SKA2: variants seen among roughly 807,000 people sequenced by gnomAD.
The protein encoded by SKA2 is spindle and kinetochore associated complex subunit 2.
SKA2 carries 13 observed loss-of-function variants against 16.9 expected under a neutral mutation model. That is an observed-to-expected ratio of 0.77 (90% CI 0.50 to 1.22). The LOEUF is 1.22. Among genes scored for constraint, SKA2 ranks in the 50% most tolerant of loss-of-function variants. The pLI is 0.00. For synonymous variants in SKA2, 47 were observed against 48.5 expected, an observed-to-expected ratio of 0.97 and a Z score of 0.13; for missense variants, 107 against 139.7, an observed-to-expected ratio of 0.77 and a Z score of 1.18.
chr17:59,138,683 C>T (rs996091822), intron 1 of SKA2, among the ~76,000 whole-genome samples: 4 of 152,058 alleles, frequency 2.6e-5, no homozygotes, highest in African/African-American at 9.7e-5. Context: ...CTGCCCGCCT[C>T]GGCCTCCTGA....
At chr17:59,150,997 T>G (rs958725188) in intron 1 of SKA2, 4 of 346,192 alleles carry the variant, frequency 1.2e-5, no homozygotes, top group African/African-American at 6.8e-5. Flanking sequence ...GTTAAAAGGT[T>G]TTTTTTTTTC....
intron 1 of SKA2, among the ~76,000 whole-genome samples, chr17:59,153,299 A>C (rs907738374): frequency 2.0e-5 from 3 of 152,212 alleles, no homozygotes; most frequent in Non-Finnish European, 4.4e-5. Flanking sequence ...TGTTGACAGA[A>C]TCAAATTACA....
intron 3 of SKA2, among the ~76,000 whole-genome samples, chr17:59,116,809 G>GTTTTTTTTT (rs2046299204): frequency 1.7e-5 from 2 of 114,808 alleles, no homozygotes; most frequent in Non-Finnish European, 3.6e-5. Context: ...TCTGCCTTTG[G>GTTTTTTTTT]CTTTTTTTTT....
intron 1 of SKA2, 35 bp from the exon 2 acceptor site, chr17:59,131,402 A>G (rs1199893004): frequency 1.5e-6 from 2 of 1,371,744 alleles, no homozygotes; most frequent in African/African-American, 2.9e-5. Flanking sequence ...TGTGTAAACC[A>G]AAAGACTAAT....
intron 2 of SKA2, among the ~76,000 whole-genome samples, chr17:59,125,684 CAAAA>C (rs201568121): frequency 2.4e-5 from 2 of 82,682 alleles, no homozygotes; most frequent in Admixed American, 1.3e-4. Flanking sequence ...ACTCCGTCTC[CAAAA>C]AAAAAAAAAA....
At chr17:59,121,919 C>T (rs901357643) in intron 2 of SKA2, among the ~76,000 whole-genome samples, 1 of 150,188 alleles carries the variant, frequency 6.7e-6, no homozygotes, top group Non-Finnish European at 1.5e-5. Flanking sequence ...TTGTAGTGAT[C>T]CAAGATCACG....
intron 1 of SKA2, among the ~76,000 whole-genome samples, chr17:59,150,763 G>A (rs1568312805): frequency 6.6e-6 from 1 of 151,874 alleles, no homozygotes; most frequent in East Asian, 1.9e-4. Context: ...AAATGACTTG[G>A]GGCAAGTAAC....
intron 1 of SKA2, among the ~76,000 whole-genome samples, chr17:59,138,219 AATC>A (rs2046460953): frequency 1.3e-5 from 2 of 151,992 alleles, no homozygotes; most frequent in African/African-American, 2.4e-5. Context: ...AGTCTATGGA[AATC>A]ATCATGAAAG....
chr17:59,149,375 G>T (rs1190895845), intron 1 of SKA2, among the ~76,000 whole-genome samples: 1 of 152,080 alleles, frequency 6.6e-6, no homozygotes, highest in Non-Finnish European at 1.5e-5. Context: ...CAGGTATGGT[G>T]ATGCACACCT....
chr17:59,117,181 A>G (rs188495645), intron 3 of SKA2, among the ~76,000 whole-genome samples: 324 of 152,248 alleles, frequency 2.1e-3, no homozygotes, highest in Non-Finnish European at 3.4e-3. Context: ...AAATTTATTT[A>G]CAAATTGTAC....
intron 3 of SKA2, among the ~76,000 whole-genome samples, chr17:59,114,828 A>G (rs2046285840): frequency 1.3e-5 from 2 of 152,312 alleles, no homozygotes; most frequent in African/African-American, 4.8e-5. Flanking sequence ...AGTAGTTACA[A>G]TTCTGCCAAC....
chr17:59,115,616 C>CA (rs2046291329), intron 3 of SKA2, among the ~76,000 whole-genome samples: 2 of 151,892 alleles, frequency 1.3e-5, no homozygotes, highest in East Asian at 3.9e-4. Context: ...GTTTTAGAGA[C>CA]AGAGTCTCGT....
At chr17:59,137,756 A>G in intron 1 of SKA2, 1 of 524,722 alleles carries the variant, frequency 1.9e-6, no homozygotes, top group Admixed American at 2.0e-5. Flanking sequence ...TACTTTCTGC[A>G]GCCTGCCCAT....
At chr17:59,115,883 GAAATTTTTCTTCTTTATCAC>G (rs1191448659) in intron 3 of SKA2, among the ~76,000 whole-genome samples, 1 of 152,180 alleles carries the variant, frequency 6.6e-6, no homozygotes, top group Non-Finnish European at 1.5e-5. Flanking sequence ...AAAGTTTGTA[GAAATTTTTCTTCTTTATCAC>G]ACATATTTTG....
intron 1 of SKA2, 33 bp downstream of exon 1, chr17:59,155,098 C>T: frequency 1.2e-6 from 2 of 1,613,958 alleles, no homozygotes; most frequent in Non-Finnish European, 1.7e-6. Context: ...GAAAAATAAA[C>T]TACCCAGTAG....
At chr17:59,115,055 CT>C (rs776335145) in intron 3 of SKA2, among the ~76,000 whole-genome samples, 2,113 of 137,064 alleles carry the variant, frequency 0.015, 9 homozygotes, top group African/African-American at 0.025. Context: ...TTCTTTCTTC[CT>C]TTTTTTTTTT....
At chr17:59,135,310 C>CTTT (rs71145527) in intron 1 of SKA2, among the ~76,000 whole-genome samples, 8 of 126,146 alleles carry the variant, frequency 6.3e-5, no homozygotes, top group Non-Finnish European at 5.1e-5. Context: ...ACTAAACTGT[C>CTTT]TTTTTTTTTT....
At chr17:59,149,239 G>T (rs540105713) in intron 1 of SKA2, among the ~76,000 whole-genome samples, 1 of 152,086 alleles carries the variant, frequency 6.6e-6, no homozygotes, top group African/African-American at 2.4e-5. Flanking sequence ...TACTCATGGC[G>T]ACTCACTCCC....
At chr17:59,138,691 T>C (rs2046464385) in intron 1 of SKA2, among the ~76,000 whole-genome samples, 2 of 152,118 alleles carry the variant, frequency 1.3e-5, no homozygotes, top group South Asian at 2.1e-4. Context: ...CTCGGCCTCC[T>C]GAAGTGCTGG....
Sources: allele counts gnomAD v4.1 joint callset (sites outside exome capture counted in the v4.1 genomes callset), GRCh38; gene constraint gnomAD v4.1.1; transcripts MANE v1.5; gene names NCBI Gene and HGNC (gene_info 2026-07-23, HGNC 2026-07-21).